SOCS4: variants seen among roughly 807,000 people sequenced by gnomAD.
The protein encoded by SOCS4 is suppressor of cytokine signaling 4.
A neutral mutation model predicts 34.1 loss-of-function variants in SOCS4; 20 were observed. The ratio of observed to expected loss-of-function variants is 0.59; its 90% CI spans 0.41 to 0.85. The LOEUF is 0.85. Among genes scored for constraint, SOCS4 ranks in the 40% least tolerant of loss-of-function variants. The probability of loss-of-function intolerance (pLI) is 0.00; values close to 1 mark genes in which losing one functional copy is unlikely to be tolerated. For missense variants in SOCS4, 479 were observed against 532.4 expected, an observed-to-expected ratio of 0.90 and a Z score of 0.99; for synonymous variants, 180 against 186.4, an observed-to-expected ratio of 0.97 and a Z score of 0.28.
intron 2 of SOCS4, among the ~76,000 whole-genome samples, chr14:55,034,031 G>T (rs763796273): frequency 6.6e-6 from 1 of 152,206 alleles, no homozygotes; most frequent in Non-Finnish European, 1.5e-5. Context: ...CTACTGGGGA[G>T]GCTGAGGCAG....
At chr14:55,039,615 C>T (rs1252279832) in intron 2 of SOCS4, among the ~76,000 whole-genome samples, 1 of 152,210 alleles carries the variant, frequency 6.6e-6, no homozygotes, top group Non-Finnish European at 1.5e-5. Flanking sequence ...AGGTAGAGGC[C>T]AGGCGCGATG....
At chr14:55,031,399 A>T (rs1457848988) in intron 1 of SOCS4, among the ~76,000 whole-genome samples, 1 of 152,228 alleles carries the variant, frequency 6.6e-6, no homozygotes, top group Non-Finnish European at 1.5e-5. Flanking sequence ...CAAAGTAAAG[A>T]CAGGAAGCTA....
chr14:55,039,404 C>CT (rs764149388), intron 2 of SOCS4, among the ~76,000 whole-genome samples: 1 of 152,118 alleles, frequency 6.6e-6, no homozygotes, highest in Non-Finnish European at 1.5e-5. Flanking sequence ...CACCACTGCA[C>CT]TCCAGCCTGG....
chr14:55,028,568 G>A (rs2042494155), intron 1 of SOCS4, among the ~76,000 whole-genome samples: 1 of 152,030 alleles, frequency 6.6e-6, no homozygotes, highest in South Asian at 2.1e-4. Context: ...TGAGATTTCT[G>A]GTTAGTACTA....
Position 55,039,850 on chromosome 14 carries a change from C to T in SOCS4, c.-90-3102C>T, listed in dbSNP as rs568498271. Among the ~76,000 whole-genome samples the T allele has an allele frequency of 7.2e-5, 11 of 151,842 alleles. No homozygotes were observed. The East Asian group carries it at 1.8e-3, about 24-fold the overall frequency. ...GGTCGAGCTTGCAGTGAGCCGAGAT[C>T]GTGCCACTGCACTCCAGCCCAGGCA... On this transcript the variant is annotated intron_variant, in intron 2 of 2. Coordinates refer to ENST00000555846, the MANE Select transcript of SOCS4 (RefSeq NM_199421.2).
chr14:55,048,980 CTTGTT>C lies in SOCS4; in HGVS notation c.*4619_*4623del, dbSNP rs1201981199. 4 of 166,928 alleles carry C rather than the reference CTTGTT, an allele frequency of 2.4e-5. No individual in the cohort carries two copies. The highest frequency in any genetic ancestry group is 5.9e-5 in the Non-Finnish European group (4 of 68,098). The allele number at this position is 166,928 out of a possible 1,614,324, so 10.3% of individuals were successfully genotyped here. A position where few individuals can be genotyped will look rare whatever the true frequency, so the allele number is the denominator to read the frequency against. On this transcript the variant is annotated 3_prime_UTR_variant, in exon 3 of 3. Coordinates refer to ENST00000555846, the MANE Select transcript of SOCS4 (RefSeq NM_199421.2). ...CTTAGACTGTAAAAGACTTTCTTGACTTGTTTTAACAGTAGAGATAGCAGTACAAT... is the reference window on the plus strand; with the variant it reads ...CTTAGACTGTAAAAGACTTTCTTGACTTAACAGTAGAGATAGCAGTACAAT...
chr14:55,027,562 G>A (rs2042475607), intron 1 of SOCS4, 91 bp downstream of exon 1: 1 of 152,666 alleles, frequency 6.6e-6, no homozygotes, highest in South Asian at 2.1e-4. Flanking sequence ...ACAATATCCG[G>A]ATCCCTAAAA....
chr14:55,043,139 G>C lies in SOCS4; in HGVS notation c.98G>C (p.Ser33Thr), dbSNP rs139180789. The C allele has an allele frequency of 2.5e-6, 4 of 1,614,242 alleles. No individual in the cohort carries two copies. In the South Asian group the frequency reaches 4.4e-5, roughly 18 times the overall value. The change falls in exon 3 of 3, where the codon AGT becomes ACT. Residue 33 changes from serine to threonine, a missense_variant. Physicochemically the swap from Ser to Thr is moderately conservative, Grantham distance 58. Coordinates refer to ENST00000555846, the MANE Select transcript of SOCS4 (RefSeq NM_199421.2). ...SADRKDGYVW[S>T]GKKLSWSKKS... ...GACAGAAAAGACGGTTATGTGTGGA[G>C]TGGAAAGAAGTTATCTTGGTCAAAA...
At chr14:55,033,757 G>A (rs1319822549) in intron 2 of SOCS4, among the ~76,000 whole-genome samples, 1 of 152,152 alleles carries the variant, frequency 6.6e-6, no homozygotes, top group Non-Finnish European at 1.5e-5. Flanking sequence ...GTTATAAAAC[G>A]TCTATGGTCA....
chr14:55,032,023 A>G (rs965869721), intron 2 of SOCS4, 32 bp downstream of exon 2: 6 of 152,206 alleles, frequency 3.9e-5, no homozygotes, highest in African/African-American at 1.4e-4. Context: ...TTCGTAGGGA[A>G]AGTCCCCAGG....
In SOCS4 at chr14:55,037,713, T is replaced by A. The variant is rs141612584; in HGVS notation, c.-90-5239T>A. 8.3e-3 allele frequency among the ~76,000 whole-genome samples: 1,263 copies of A among 151,942 alleles called. 20 individuals are homozygous for A. The highest frequency in any genetic ancestry group is 0.029 in the African/African-American group (1,216 of 41,456). On this transcript the variant is annotated intron_variant, in intron 2 of 2. Transcript: ENST00000555846. ...TTCACTGTGTTGGCCAAGCTGGTCT[T>A]GAACTCCTGATCTCAGGTGATCCTC... is the stretch of plus-strand genomic sequence containing the variant.
chr14:55,031,841 A>AT (rs1157535919), intron 1 of SOCS4, 22 bp from the exon 2 acceptor site: 3 of 152,150 alleles, frequency 2.0e-5, no homozygotes, highest in African/African-American at 7.2e-5. Context: ...CTGTTTTCAG[A>AT]TTTTTTTCTT....
rs2042665034 is a variant in SOCS4, at chr14:55,045,310, A to G, written c.*946A>G. ...AACTCTGAGCTGTTACTTTGGGGAAATTCCACAATGTATTAGCAGCCACAA... is the reference window on the plus strand; with the variant it reads ...AACTCTGAGCTGTTACTTTGGGGAAGTTCCACAATGTATTAGCAGCCACAA... On this transcript the variant is annotated 3_prime_UTR_variant, in exon 3 of 3. Transcript: ENST00000555846. The G allele has an allele frequency of 6.0e-6, 1 of 167,018 alleles. No homozygotes were observed. Among genetic ancestry groups the G allele is most frequent in the African/African-American group, 2.4e-5 (1 of 41,466 alleles). 10.3% of individuals were successfully genotyped at this position (167,018 alleles called of 1,614,324 possible). A position where few individuals can be genotyped will look rare whatever the true frequency, so the allele number is the denominator to read the frequency against.
chr14:55,035,588 C>T (rs957724357), intron 2 of SOCS4, among the ~76,000 whole-genome samples: 1 of 152,130 alleles, frequency 6.6e-6, no homozygotes, highest in African/African-American at 2.4e-5. Flanking sequence ...ATAAGACTGG[C>T]TTAGGTGCTT....
In SOCS4 at chr14:55,048,950, CT is replaced by C. The variant is rs2042701697; in HGVS notation, c.*4588del. 6.0e-6 allele frequency: 1 copy of C among 167,002 alleles called. No individual in the cohort carries two copies. Among genetic ancestry groups the C allele is most frequent in the African/African-American group, 2.4e-5 (1 of 41,460 alleles). The allele number at this position is 167,002 out of a possible 1,614,324, so 10.3% of individuals were successfully genotyped here. ...AGTGGATGCTGCATAATTACATTCA[CT>C]TCTCTTAGACTGTAAAAGACTTTCT... On this transcript the variant is annotated 3_prime_UTR_variant, in exon 3 of 3. Transcript: ENST00000555846.
In SOCS4 at chr14:55,043,373, G is replaced by A. The variant is rs368652531; in HGVS notation, c.332G>A (p.Arg111Gln). 44 of 1,614,012 alleles carry A rather than the reference G, an allele frequency of 2.7e-5. No homozygotes were observed. Among genetic ancestry groups the A allele is most frequent in the African/African-American group, 1.7e-4 (13 of 74,914 alleles). ...QCFPIKNCSS[R>Q]HSSGLPSKRK... Reference sequence around the variant, plus strand: ...TTTCCAATAAAGAATTGTAGTAGTCGGCACTCTTCAGGGCTTCCGTCTAAA... The same window carrying A: ...TTTCCAATAAAGAATTGTAGTAGTCAGCACTCTTCAGGGCTTCCGTCTAAA... The change falls in exon 3 of 3, where the codon CGG becomes CAG. Residue 111 changes from arginine (R) to glutamine (Q), a missense_variant. By Grantham distance (43) the Arg-to-Gln change is conservative (BLOSUM62 1). Transcript: ENST00000555846.
chr14:55,043,105 A>C lies in SOCS4; in HGVS notation c.64A>C (p.Arg22=), dbSNP rs1192136219. Residue 22 remains arginine, a synonymous_variant, in exon 3 of 3, where the codon AGA becomes CGA. Transcript: ENST00000555846. ...VDVRPKTSRS[R]SADRKDGYVW... ...TGTAAGGCCCAAAACTAGTCGGAGCAGAAGTGCCGACAGAAAAGACGGTTA... is the reference window on the plus strand; with the variant it reads ...TGTAAGGCCCAAAACTAGTCGGAGCCGAAGTGCCGACAGAAAAGACGGTTA... The C allele has an allele frequency of 5.0e-6, 8 of 1,614,024 alleles. No individual in the cohort carries two copies. In the Admixed American group the frequency reaches 1.3e-4, roughly 27 times the overall value.
At chr14:55,039,199 G>T (rs1361742688) in intron 2 of SOCS4, among the ~76,000 whole-genome samples, 6 of 152,168 alleles carry the variant, frequency 3.9e-5, no homozygotes, top group African/African-American at 1.4e-4. Flanking sequence ...GCTCATGCTT[G>T]TAATCCCAGC....
chr14:55,033,952 G>A (rs2042550186), intron 2 of SOCS4, among the ~76,000 whole-genome samples: 1 of 152,182 alleles, frequency 6.6e-6, no homozygotes, highest in Non-Finnish European at 1.5e-5. Context: ...TGGCCAACAT[G>A]GTGAAACCCT....
Sources: gnomAD v4.1 joint callset for allele counts (sites outside exome capture counted in the v4.1 genomes callset) on GRCh38, gnomAD v4.1.1 for gene constraint, MANE v1.5 for transcripts, NCBI Gene and HGNC (gene_info 2026-07-23, HGNC 2026-07-21) for gene names.